OSBPL10: variants seen among roughly 807,000 people sequenced by gnomAD.
OSBPL10 encodes the protein oxysterol binding protein like 10.
OSBPL10 carries 49 observed loss-of-function variants against 81.7 expected under a neutral mutation model. The observed-to-expected ratio is 0.60, with a 90% confidence interval of 0.48 to 0.76. OSBPL10 has a LOEUF of 0.76. OSBPL10 is among the 30% of genes least tolerant of loss of function. The pLI, the probability that OSBPL10 is intolerant of heterozygous loss-of-function variation, is 0.00. For missense variants in OSBPL10, 923 were observed against 987.8 expected, an observed-to-expected ratio of 0.93 and a Z score of 0.88; for synonymous variants, 419 against 383.6, an observed-to-expected ratio of 1.09 and a Z score of -1.08.
chr3:31,921,072 T>C (rs1696898327), intron 1 of OSBPL10, among the ~76,000 whole-genome samples: 1 of 152,186 alleles, frequency 6.6e-6, no homozygotes. Context: ...GGGTGAACGA[T>C]AAACTAGAGG....
At chr3:31,833,050 G>A (rs1700285050) in intron 3 of OSBPL10, among the ~76,000 whole-genome samples, 1 of 152,142 alleles carries the variant, frequency 6.6e-6, no homozygotes, top group South Asian at 2.1e-4. Context: ...ATAAAGATAG[G>A]AAATAACCAT....
chr3:31,915,081 T>C (rs1696713705), intron 1 of OSBPL10, among the ~76,000 whole-genome samples: 2 of 152,030 alleles, frequency 1.3e-5, no homozygotes, highest in Non-Finnish European at 2.9e-5. Context: ...AAAGCACAGG[T>C]ATTACAGGTG....
rs763022831 is a variant in OSBPL10, at chr3:31,989,862, T to C, written n.298+56629A>G. ...TAGGAGGGAAACAATATAAATGTGA[T>C]GTATGTGGCAAGGTCTTTAATCAGA... On this transcript the variant is annotated intron_variant and non_coding_transcript_variant, in intron 2 of 3. Coordinates refer to the OSBPL10 transcript ENST00000479173. 2.5e-6 allele frequency: 4 copies of C among 1,614,188 alleles called. No individual in the cohort carries two copies. The South Asian group carries it at 4.4e-5, about 18-fold the overall frequency.
At chr3:31,876,000 T>C (rs961716065) in intron 3 of OSBPL10, among the ~76,000 whole-genome samples, 1 of 152,080 alleles carries the variant, frequency 6.6e-6, no homozygotes, top group Non-Finnish European at 1.5e-5. Context: ...CGAGAACATT[T>C]TGATACACTA....
chr3:32,036,215 T>C (rs1699517308), intron 2 of OSBPL10, among the ~76,000 whole-genome samples: 1 of 152,156 alleles, frequency 6.6e-6, no homozygotes, highest in Admixed American at 6.5e-5. Context: ...GCCCGGCTAA[T>C]CTTTTTAATT....
intron 4 of OSBPL10, among the ~76,000 whole-genome samples, chr3:31,765,763 A>G (rs534316867): frequency 1.9e-4 from 29 of 152,270 alleles, no homozygotes; most frequent in Non-Finnish European, 3.8e-4. Flanking sequence ...TTCTTGCTCT[A>G]TCAAGACTGA....
At chr3:31,714,869 ACT>A (rs909630937) in intron 6 of OSBPL10, 3 of 150,142 alleles carry the variant, frequency 2.0e-5, no homozygotes, top group African/African-American at 7.5e-5. Context: ...TCCTCTTAAC[ACT>A]GTCTTGTACC....
chr3:31,922,682 T>TA (rs1696953329), intron 1 of OSBPL10, among the ~76,000 whole-genome samples: 2 of 152,132 alleles, frequency 1.3e-5, no homozygotes, highest in Non-Finnish European at 2.9e-5. Context: ...TTAATTTTTT[T>TA]TAAAAAACTG....
intron 3 of OSBPL10, among the ~76,000 whole-genome samples, chr3:31,874,673 G>C (rs1575594189): frequency 1.3e-5 from 2 of 152,272 alleles, no homozygotes; most frequent in African/African-American, 4.8e-5. Context: ...ATCCAATTTT[G>C]ATCTGTGAGA....
At chr3:31,701,145 T>G (rs965440273) in intron 7 of OSBPL10, among the ~76,000 whole-genome samples, 2 of 152,220 alleles carry the variant, frequency 1.3e-5, no homozygotes, top group African/African-American at 2.4e-5. Context: ...CACTCTGTTC[T>G]GTCATCTTCC....
In OSBPL10 at chr3:32,065,944, G is replaced by GAAA. The variant is rs1553652501; in HGVS notation, n.185+11451_185+11452insTTT. 5.6e-5 allele frequency among the ~76,000 whole-genome samples: 2 copies of GAAA among 35,860 alleles called. 1 individual carries two copies. Among genetic ancestry groups the GAAA allele is most frequent in the Non-Finnish European group, 1.6e-4 (2 of 12,900 alleles). The allele number at this position is 35,860 out of a possible 152,430, so 23.5% of individuals were successfully genotyped here. ...AAGAAAGAAAGAAGGAAAGAAGAAA[G>GAAA]AAGAAAGAAAGAAAGAAAGAAAGAA... is the stretch of plus-strand genomic sequence containing the variant. On this transcript the variant is annotated intron_variant and non_coding_transcript_variant, in intron 1 of 3. Coordinates refer to the OSBPL10 transcript ENST00000479173.
intron 7 of OSBPL10, among the ~76,000 whole-genome samples, chr3:31,696,039 G>A (rs1695711726): frequency 6.6e-6 from 1 of 152,158 alleles, no homozygotes; most frequent in African/African-American, 2.4e-5. Flanking sequence ...TCAGATGCAA[G>A]GTAATATATA....
intron 4 of OSBPL10, among the ~76,000 whole-genome samples, chr3:31,784,379 G>A (rs1157048769): frequency 7.1e-6 from 1 of 141,540 alleles, no homozygotes; most frequent in Non-Finnish European, 1.6e-5. Flanking sequence ...GAAAAGGAAA[G>A]GGAAAAGGAA....
intron 4 of OSBPL10, among the ~76,000 whole-genome samples, chr3:31,760,968 C>T (rs1026783632): frequency 6.6e-6 from 1 of 151,324 alleles, no homozygotes; most frequent in Non-Finnish European, 1.5e-5. Context: ...AGAGGAACTG[C>T]TAAGTTTTTT....
intron 1 of OSBPL10, among the ~76,000 whole-genome samples, chr3:31,930,101 C>T (rs1191828874): frequency 6.6e-6 from 1 of 151,106 alleles, no homozygotes; most frequent in Non-Finnish European, 1.5e-5. Flanking sequence ...GCACTTGAGA[C>T]CAGGCGTCTG....
At chr3:32,028,651 C>A (rs1699438253) in intron 2 of OSBPL10, among the ~76,000 whole-genome samples, 1 of 152,070 alleles carries the variant, frequency 6.6e-6, no homozygotes. Flanking sequence ...ACATTTTATG[C>A]TCTTTAAGGA....
intron 1 of OSBPL10, among the ~76,000 whole-genome samples, chr3:31,953,099 T>C (rs1013528150): frequency 1.3e-5 from 2 of 151,338 alleles, no homozygotes; most frequent in African/African-American, 4.9e-5. Flanking sequence ...GCCTGGCTAA[T>C]TTTTTTGTAT....
intron 1 of OSBPL10, among the ~76,000 whole-genome samples, chr3:32,058,712 G>A (rs919455170): frequency 3.9e-5 from 6 of 152,128 alleles, no homozygotes; most frequent in Non-Finnish European, 8.8e-5. Flanking sequence ...CTGTCGCCTA[G>A]GCTGGAATAC....
intron 4 of OSBPL10, among the ~76,000 whole-genome samples, chr3:31,765,288 A>C (rs1458918872): frequency 6.6e-6 from 1 of 151,720 alleles, no homozygotes; most frequent in Non-Finnish European, 1.5e-5. Context: ...TGCCCACCTC[A>C]GCCTCCCAAA....
Sources: allele counts gnomAD v4.1 joint callset (sites outside exome capture counted in the v4.1 genomes callset), GRCh38; gene constraint gnomAD v4.1.1; transcripts MANE v1.5; gene names NCBI Gene and HGNC (gene_info 2026-07-23, HGNC 2026-07-21).